The following TTBK1 variants were observed in gnomAD, a reference collection of about 807,000 sequenced individuals.
TTBK1 encodes the protein tau-tubulin kinase 1.
TTBK1 carries 34 observed loss-of-function variants against 108.5 expected under a neutral mutation model. That is an observed-to-expected ratio of 0.31 (90% CI 0.24 to 0.42). The LOEUF (loss-of-function observed/expected upper bound fraction) is 0.42. TTBK1 is among the 10% of genes least tolerant of loss of function. The pLI, the probability that TTBK1 is intolerant of heterozygous loss-of-function variation, is 1.00. For missense variants in TTBK1, 1,539 were observed against 1,826.0 expected (o/e 0.84, Z 2.86); for synonymous variants, 809 against 795.1 (o/e 1.02, Z -0.29).
intron 13 of TTBK1, among the ~76,000 whole-genome samples, chr6:43,278,987 C>T (rs916444409): frequency 2.6e-5 from 4 of 152,150 alleles, no homozygotes; most frequent in African/African-American, 9.7e-5. Flanking sequence ...TCCAGGTGTC[C>T]CCATGTGGGA....
chr6:43,271,897 C>T, intron 13 of TTBK1: 1 of 975,828 alleles, frequency 1.0e-6, no homozygotes, highest in Non-Finnish European at 1.2e-6. Context: ...CAGCTGCTCA[C>T]TTTTGAATCT....
chr6:43,246,753 G>C lies in TTBK1; in HGVS notation c.93G>C (p.Lys31Asn). ...ADILPANYVV[K>N]DRWKVLKKIG... ...TCCTGCCGGCCAACTACGTGGTCAA[G>C]GATCGCTGGAAGGTGGTGAGTGAGT... Residue 31 changes from lysine (K) to asparagine (N), a missense_variant, in exon 2 of 15, where the codon AAG (lysine) becomes AAC (asparagine). Lys to Asn is a moderately conservative substitution (Grantham distance 94, BLOSUM62 0). Transcript: ENST00000259750. 1.2e-6 allele frequency: 2 copies of C among 1,611,104 alleles called. No homozygotes were observed. The highest frequency in any genetic ancestry group is 1.7e-6 in the Non-Finnish European group (2 of 1,178,566).
chr6:43,275,987 G>A (rs535880822), intron 13 of TTBK1, among the ~76,000 whole-genome samples: 2 of 152,082 alleles, frequency 1.3e-5, no homozygotes, highest in African/African-American at 4.8e-5. Context: ...TGGTAGGAGA[G>A]AGAAACTCAG....
intron 13 of TTBK1, chr6:43,270,586 A>G (rs1053415720): frequency 1.5e-5 from 15 of 985,580 alleles, no homozygotes; most frequent in Non-Finnish European, 1.8e-5. Context: ...CATTGAGGAC[A>G]GAGTTCTCTC....
At position 43,285,172 on chromosome 6, in the gene TTBK1, G is replaced by C. The variant is rs1399187743; in HGVS notation, c.3762G>C (p.Leu1254=). The C allele has an allele frequency of 6.5e-6, 9 of 1,386,248 alleles. No individual in the cohort carries two copies. The East Asian group carries it at 9.2e-5, about 14-fold the overall frequency. The allele number at this position is 1,386,248 out of a possible 1,614,324, so 85.9% of individuals were successfully genotyped here. A position where few individuals can be genotyped will look rare whatever the true frequency, so the allele number is the denominator to read the frequency against. ...NASASPRSQS[L]SRRESPSPSH... ...GCGCGTCCCCCCGGAGCCAGTCCCTGTCCCGCAGAGAGAGCCCCTCCCCCT... is the reference window on the plus strand; with the variant it reads ...GCGCGTCCCCCCGGAGCCAGTCCCTCTCCCGCAGAGAGAGCCCCTCCCCCT... Residue 1254 remains leucine, a synonymous_variant, in exon 15 of 15, where the codon CTG becomes CTC. Transcript: ENST00000259750. This position sits in a 1 kb window ranked among gnomAD's most constrained non-coding sequence, Gnocchi z 4.7.
chr6:43,257,780 C>T lies in TTBK1; in HGVS notation c.862-32C>T. On this transcript the variant is annotated intron_variant, in intron 9 of 14. Transcript: ENST00000259750. This position sits in a 1 kb window ranked among gnomAD's most constrained non-coding sequence, Gnocchi z 4.5. ...CTCCTGGCTAGCCCCCGGATCACCT[C>T]TCTGTCCTCCCATCACCCTCACCCC... The T allele has an allele frequency of 6.3e-7, 1 of 1,597,956 alleles. No homozygotes were observed. Among genetic ancestry groups the T allele is most frequent in the Admixed American group, 1.7e-5 (1 of 59,288 alleles).
chr6:43,267,145 C>T (rs1777702297), intron 13 of TTBK1, among the ~76,000 whole-genome samples: 1 of 151,934 alleles, frequency 6.6e-6, no homozygotes, highest in Non-Finnish European at 1.5e-5. Context: ...TCTGGATGAA[C>T]ATATGGGGTA....
chr6:43,270,417 GTGT>G, intron 13 of TTBK1: 1 of 465,114 alleles, frequency 2.2e-6, no homozygotes, highest in African/African-American at 1.2e-4. Context: ...CTTGCATGGT[GTGT>G]GTGTGTGTGT....
Position 43,282,491 on chromosome 6 carries a change from G to A in TTBK1, c.1987-236G>A, listed in dbSNP as rs1294629719. On this transcript the variant is annotated intron_variant, in intron 13 of 14. Coordinates refer to ENST00000259750, the MANE Select transcript of TTBK1 (RefSeq NM_032538.3). This position sits in a 1 kb window ranked among gnomAD's most constrained non-coding sequence, Gnocchi z 5.4. ...TGGGACTTCAGGGGACCTAGAGCAT[G>A]GACAGTCATTCATCAGAGGTTTCCT... Among the ~76,000 whole-genome samples the A allele has an allele frequency of 6.6e-6, 1 of 152,216 alleles. No homozygotes were observed. The highest frequency in any genetic ancestry group is 1.5e-5 in the Non-Finnish European group (1 of 68,036).
chr6:43,259,594 C>T lies in TTBK1; in HGVS notation c.1312C>T (p.Pro438Ser), dbSNP rs1777480464. Reference sequence around the variant, plus strand: ...GGTCCCCAGCTCCCCAGTGCGTGCCCCCCCAGACTCCCCCACAACCCCAGT... The same window carrying T: ...GGTCCCCAGCTCCCCAGTGCGTGCCTCCCCAGACTCCCCCACAACCCCAGT... ...MGVPSSPVRA[P>S]PDSPTTPVRS... The change falls in exon 12 of 15, where the codon CCC becomes TCC. Residue 438 changes from proline to serine, a missense_variant. Physicochemically the swap from Pro to Ser is moderately conservative, Grantham distance 74. Around this residue, in one of 5 missense-constraint regions of TTBK1, gnomAD observed 277 missense variants for 332.4 expected, o/e 0.83. Coordinates refer to ENST00000259750, the MANE Select transcript of TTBK1 (RefSeq NM_032538.3). This position sits in a 1 kb window ranked among gnomAD's most constrained non-coding sequence, Gnocchi z 6.7. 6.2e-6 allele frequency: 10 copies of T among 1,611,418 alleles called. No individual in the cohort carries two copies. The highest frequency in any genetic ancestry group is 1.7e-5 in the Admixed American group (1 of 59,788).
At chr6:43,272,205 C>T (rs768677382) in intron 13 of TTBK1, 17 of 985,430 alleles carry the variant, frequency 1.7e-5, no homozygotes, top group Non-Finnish European at 1.9e-5. Flanking sequence ...CAAGGGCCCC[C>T]CCACCCAATC....
At chr6:43,275,284 C>T (rs58537733) in intron 13 of TTBK1, among the ~76,000 whole-genome samples, 70,200 of 151,752 alleles carry the variant, frequency 0.46, 18,194 homozygotes, top group African/African-American at 0.71. Flanking sequence ...CCCTGCACCC[C>T]CCGCCGGACT....
In TTBK1 at chr6:43,283,853, C is replaced by G. The variant is rs769687706; in HGVS notation, c.3113C>G (p.Ala1038Gly). 4 of 1,609,502 alleles carry G rather than the reference C, an allele frequency of 2.5e-6. No individual in the cohort carries two copies. In the African/African-American group the frequency reaches 4.0e-5, roughly 16 times the overall value. The change falls in exon 14 of 15, where the codon GCC becomes GGC. Residue 1038 changes from alanine to glycine, a missense_variant. By Grantham distance (60) the Ala-to-Gly change is moderately conservative (BLOSUM62 0). Around this residue, in one of 5 missense-constraint regions of TTBK1, gnomAD observed 1,055 missense variants for 1,086.5 expected, o/e 0.97. Coordinates refer to ENST00000259750, the MANE Select transcript of TTBK1 (RefSeq NM_032538.3). The surrounding 1 kb of genome is among the most constrained non-coding windows in gnomAD (Gnocchi z 8.1). ...CTGGAGCCAAGCCCTGAGAAAGTGG[C>G]CACCATCTCCCCCAGACGCCATGCT... is the stretch of plus-strand genomic sequence containing the variant. ...SPLEPSPEKV[A>G]TISPRRHAMP...
At chr6:43,252,704 A>T in intron 2 of TTBK1, 35 bp from the exon 3 acceptor site, 1 of 1,612,226 alleles carries the variant, frequency 6.2e-7, no homozygotes, top group Non-Finnish European at 8.5e-7. Flanking sequence ...GTTCAGCCTG[A>T]TCCCTGAGCA....
chr6:43,264,739 A>G (rs1363190352), intron 13 of TTBK1, among the ~76,000 whole-genome samples: 1 of 152,146 alleles, frequency 6.6e-6, no homozygotes, highest in South Asian at 2.1e-4. Context: ...AGTGGTTCCC[A>G]TGATCAGGGC....
intron 14 of TTBK1, among the ~76,000 whole-genome samples, chr6:43,284,733 A>G (rs1220023825): frequency 6.6e-6 from 1 of 152,162 alleles, no homozygotes; most frequent in Non-Finnish European, 1.5e-5. Context: ...AATTTTAAAG[A>G]TGAAATGAGG....
At position 43,255,591 on chromosome 6, in the gene TTBK1, A is replaced by C; in HGVS notation, c.682A>C (p.Met228Leu). The C allele has an allele frequency of 6.2e-7, 1 of 1,613,720 alleles. No homozygotes were observed. Among genetic ancestry groups the C allele is most frequent in the Non-Finnish European group, 8.5e-7 (1 of 1,179,846 alleles). ...RHDDLWSLFY[M>L]LVEFAVGQLP... Reference sequence around the variant, plus strand: ...CGACGACCTGTGGTCCCTCTTCTACATGCTGGTGGAGTTTGCAGTGGGCCA... The same window carrying C: ...CGACGACCTGTGGTCCCTCTTCTACCTGCTGGTGGAGTTTGCAGTGGGCCA... Residue 228 changes from methionine (M) to leucine (L), a missense_variant, in exon 8 of 15, where the codon ATG becomes CTG. This residue lies in a region of TTBK1 where 155 missense variants were observed against 348.5 expected (regional missense o/e 0.44). Transcript: ENST00000259750.
chr6:43,275,474 G>A (rs2150707574), intron 13 of TTBK1, among the ~76,000 whole-genome samples: 1 of 151,942 alleles, frequency 6.6e-6, no homozygotes, highest in East Asian at 2.0e-4. Flanking sequence ...GCTCCCCTCA[G>A]TGCTGCCAGG....
At position 43,255,861 on chromosome 6, in the gene TTBK1, G is replaced by T. The variant is rs1202074938; in HGVS notation, c.861+5G>T. 6.2e-7 allele frequency: 1 copy of T among 1,613,976 alleles called. No individual in the cohort carries two copies. Among genetic ancestry groups the T allele is most frequent in the African/African-American group, 1.3e-5 (1 of 74,894 alleles). On this transcript the variant is annotated splice_donor_5th_base_variant and intron_variant, in intron 9 of 14. Transcript: ENST00000259750. ...TTCACCAAGCCCGACTACCAGGTGGGAGCCTGCTACCCTGCCCCCGCTCCC... is the reference window on the plus strand; with the variant it reads ...TTCACCAAGCCCGACTACCAGGTGGTAGCCTGCTACCCTGCCCCCGCTCCC...
Sources: gnomAD v4.1 joint callset for allele counts (sites outside exome capture counted in the v4.1 genomes callset) on GRCh38, gnomAD v4.1.1 for gene constraint, gnomAD v4.1.1 regional missense constraint, Gnocchi (gnomAD v3.1) non-coding constraint, MANE v1.5 for transcripts, NCBI Gene and HGNC (gene_info 2026-07-23, HGNC 2026-07-21) for gene names.